FAT1: variants seen among roughly 807,000 people sequenced by gnomAD.
The protein encoded by FAT1 is protocadherin Fat 1.
In FAT1, 171 loss-of-function variants were observed where a neutral mutation model predicts 329.8. That is an observed-to-expected ratio of 0.52 (90% CI 0.46 to 0.59). The LOEUF (loss-of-function observed/expected upper bound fraction) is 0.59, where lower values mean the gene tolerates loss of function less well. FAT1 is among the 20% of genes least tolerant of loss of function. The pLI, the probability that FAT1 is intolerant of heterozygous loss-of-function variation, is 0.00. For missense variants in FAT1, 5,672 were observed against 5,774.4 expected (o/e 0.98, Z 0.57); for synonymous variants, 2,233 against 2,228.6 (o/e 1.00, Z -0.06).
At chr4:186,616,946 T>C (rs142081393) in intron 11 of FAT1, 59 bp downstream of exon 11, 11 of 1,457,356 alleles carry the variant, frequency 7.5e-6, no homozygotes, top group African/African-American at 4.2e-5. Flanking sequence ...GATGGTCCCA[T>C]TGAAAGAATT....
chr4:186,634,827 G>GCA (rs1740755260), intron 6 of FAT1, among the ~76,000 whole-genome samples: 1 of 152,194 alleles, frequency 6.6e-6, no homozygotes, highest in Non-Finnish European at 1.5e-5. Flanking sequence ...AAAGAAGCAA[G>GCA]CGCGCATGGA....
At position 186,597,989 on chromosome 4, in the gene FAT1, T is replaced by G; in HGVS notation, c.12240A>C (p.Gly4080=). The G allele has an allele frequency of 6.2e-7, 1 of 1,611,644 alleles. No homozygotes were observed. Among genetic ancestry groups the G allele is most frequent in the Non-Finnish European group, 8.5e-7 (1 of 1,179,314 alleles). ...DNGGFVCQCR[G]LYTGQRCQLS... is the part of the protein sequence containing the mutation. ...ACACATACCTCTGACCAGTATATAA[T>G]CCTCTACACTGGCAAACAAAGCCTC... Residue 4080 remains glycine (G), a synonymous_variant, in exon 23 of 27, where the codon GGA becomes GGC. Coordinates refer to ENST00000441802, the MANE Select transcript of FAT1 (RefSeq NM_005245.4).
At chr4:186,696,264 G>A (rs1281299008) in intron 2 of FAT1, among the ~76,000 whole-genome samples, 1 of 152,142 alleles carries the variant, frequency 6.6e-6, no homozygotes, top group Non-Finnish European at 1.5e-5. Flanking sequence ...TCTTCTAAAT[G>A]AGCTTGCCAC....
intron 2 of FAT1, among the ~76,000 whole-genome samples, chr4:186,705,784 G>A (rs1029094883): frequency 3.9e-5 from 6 of 152,140 alleles, no homozygotes; most frequent in African/African-American, 9.7e-5. Flanking sequence ...TGGAGGTCCC[G>A]GTTTCAGAAC....
chr4:186,675,486 G>A (rs1007043438), intron 2 of FAT1, among the ~76,000 whole-genome samples: 2 of 152,098 alleles, frequency 1.3e-5, no homozygotes, highest in Non-Finnish European at 2.9e-5. Context: ...CCAGCCAGAT[G>A]TAGTGGCTCA....
At chr4:186,665,968 C>T (rs537370080) in intron 2 of FAT1, among the ~76,000 whole-genome samples, 5 of 139,932 alleles carry the variant, frequency 3.6e-5, no homozygotes, top group Admixed American at 3.3e-4. Context: ...TTCTCACTCA[C>T]AGGTGGGAAT....
chr4:186,621,805 A>G (rs775531294), intron 9 of FAT1, 30 bp from the exon 10 acceptor site: 16 of 1,407,424 alleles, frequency 1.1e-5, no homozygotes, highest in Non-Finnish European at 1.4e-5. Context: ...TACATGTTAC[A>G]GAAAAACACA....
chr4:186,593,922 G>A (rs1158570030), intron 26 of FAT1, among the ~76,000 whole-genome samples: 4 of 152,154 alleles, frequency 2.6e-5, no homozygotes, highest in Non-Finnish European at 5.9e-5. Context: ...CAGACTCTCA[G>A]CAGACTTTCA....
rs749128993 is a variant in FAT1 at position 186,707,810 on chromosome 4, T to G, written c.2018A>C (p.Gln673Pro). Residue 673 changes from glutamine (Q) to proline (P), a missense_variant, in exon 2 of 27, where the codon CAG (glutamine) becomes CCG (proline). Physicochemically the swap from Gln to Pro is moderately conservative, Grantham distance 76. Coordinates refer to ENST00000441802, the MANE Select transcript of FAT1 (RefSeq NM_005245.4). ...TTTGGCAACACCAGTCTCTTCACAC[T>G]GCAAGTTTACCAGCTTGTGACTGGC... is the stretch of plus-strand genomic sequence containing the variant. ...VAASHKLVNL[Q>P]CEETGVAKML... The G allele has an allele frequency of 6.2e-7, 1 of 1,613,758 alleles. No homozygotes were observed. Among genetic ancestry groups the G allele is most frequent in the Non-Finnish European group, 8.5e-7 (1 of 1,179,898 alleles).
At chr4:186,691,360 A>G (rs1037810507) in intron 2 of FAT1, among the ~76,000 whole-genome samples, 18 of 152,232 alleles carry the variant, frequency 1.2e-4, no homozygotes, top group Non-Finnish European at 2.5e-4. Context: ...GATCTTCTAT[A>G]TACTATATCC....
In FAT1 at chr4:186,628,543, TAG is replaced by T; in HGVS notation, c.4542_4543del (p.Thr1516PhefsTer2). 6.2e-7 allele frequency: 1 copy of T among 1,614,002 alleles called. No individual in the cohort carries two copies. Among genetic ancestry groups the T allele is most frequent in the Non-Finnish European group, 8.5e-7 (1 of 1,179,888 alleles). Reference sequence around the variant, plus strand: ...TTCATGATCCAGTTTCTCAGAAGTATAGAGAGAGCCGGTTGCAGGATCAAGAC... The same window carrying T: ...TTCATGATCCAGTTTCTCAGAAGTATAGAGAGCCGGTTGCAGGATCAAGAC... On this transcript the variant is annotated frameshift_variant, in exon 8 of 27. Transcript: ENST00000441802. LOFTEE classifies it high-confidence loss of function.
rs928578735 is a variant in FAT1, at chr4:186,588,476, C to G, written c.*116G>C. 2 of 1,257,584 alleles carry G rather than the reference C, an allele frequency of 1.6e-6. No homozygotes were observed. Among genetic ancestry groups the G allele is most frequent in the African/African-American group, 3.0e-5 (2 of 66,784 alleles). 77.9% of individuals were successfully genotyped at this position (1,257,584 alleles called of 1,614,324 possible). On this transcript the variant is annotated 3_prime_UTR_variant, in exon 27 of 27. Coordinates refer to ENST00000441802, the MANE Select transcript of FAT1 (RefSeq NM_005245.4). ...TCCAGAGGCGCAGGATCCAGCGCAG[C>G]CATGCCCATTCGGCTCACCAAAAAA...
At position 186,595,634 on chromosome 4, in the gene FAT1, C is replaced by T. The variant is rs1210204453; in HGVS notation, c.13138+55G>A. The T allele has an allele frequency of 1.9e-6, 3 of 1,599,782 alleles. No homozygotes were observed. The East Asian group carries it at 6.7e-5, about 36-fold the overall frequency. On this transcript the variant is annotated intron_variant, in intron 26 of 26. Transcript: ENST00000441802. ...ATAGTGCGTCTACATTGTGAGATAA[C>T]ACAGTAACACAACAAGCAAGCAAAG...
rs559936301 is a variant in FAT1 at position 186,708,090 on chromosome 4, T to G, written c.1738A>C (p.Arg580=). The stretch of plus-strand genomic sequence containing the variant: ...ATTTGCTCTCCCACGCCTAGATCTC[T>G]GGGAATTGTCCCTTCACAATTTATT... The part of the protein sequence containing the change: ...EKINCEGTIP[R]DLGVGEQITT... Residue 580 remains arginine (R), a synonymous_variant, in exon 2 of 27, where the codon AGA becomes CGA. Transcript: ENST00000441802. The G allele has an allele frequency of 1.2e-6, 2 of 1,613,980 alleles. No homozygotes were observed. The highest frequency in any genetic ancestry group is 1.7e-6 in the Non-Finnish European group (2 of 1,179,876).
chr4:186,668,532 A>C (rs1742572154), intron 2 of FAT1, among the ~76,000 whole-genome samples: 2 of 152,180 alleles, frequency 1.3e-5, no homozygotes, highest in African/African-American at 4.8e-5. Flanking sequence ...GACTTCCTTA[A>C]TCAGGGGTTC....
intron 1 of FAT1, among the ~76,000 whole-genome samples, chr4:186,715,465 C>T (rs780672373): frequency 6.6e-6 from 1 of 152,178 alleles, no homozygotes; most frequent in Non-Finnish European, 1.5e-5. Context: ...AAAAAATACA[C>T]TTTTTGGAAG....
chr4:186,689,479 G>A (rs1743642477), intron 2 of FAT1, among the ~76,000 whole-genome samples: 1 of 152,028 alleles, frequency 6.6e-6, no homozygotes, highest in African/African-American at 2.4e-5. Context: ...ATTAACTTCT[G>A]GGCTGTTTTT....
chr4:186,649,924 T>G (rs1445732411), intron 3 of FAT1, among the ~76,000 whole-genome samples: 1 of 152,244 alleles, frequency 6.6e-6, no homozygotes, highest in Admixed American at 6.5e-5. Context: ...ATGAAAGTAC[T>G]GAAAAAATAT....
intron 2 of FAT1, among the ~76,000 whole-genome samples, chr4:186,701,870 T>C (rs1744332292): frequency 6.6e-6 from 1 of 152,340 alleles, no homozygotes; most frequent in Non-Finnish European, 1.5e-5. Context: ...AGGTCAACAA[T>C]CAGGTTAGCC....
Sources: gnomAD v4.1 joint callset for allele counts (sites outside exome capture counted in the v4.1 genomes callset) on GRCh38, gnomAD v4.1.1 for gene constraint, MANE v1.5 for transcripts, NCBI Gene and HGNC (gene_info 2026-07-23, HGNC 2026-07-21) for gene names.